NEGR1: variants seen among roughly 807,000 people sequenced by gnomAD.
The protein encoded by NEGR1 is neuronal growth regulator 1.
NEGR1 carries 10 observed loss-of-function variants against 40.9 expected under a neutral mutation model. The ratio of observed to expected loss-of-function variants is 0.24; its 90% confidence interval spans 0.15 to 0.42. The LOEUF (loss-of-function observed/expected upper bound fraction) is 0.42. NEGR1 is among the 10% of genes least tolerant of loss of function. The pLI, the probability that NEGR1 is intolerant of heterozygous loss-of-function variation, is 1.00. For synonymous variants in NEGR1, 185 were observed against 166.8 expected, an observed-to-expected ratio of 1.11 and a Z score of -0.84; for missense variants, 352 against 438.9, an observed-to-expected ratio of 0.80 and a Z score of 1.77.
intron 1 of NEGR1, among the ~76,000 whole-genome samples, chr1:72,277,778 T>G (rs1656109950): frequency 2.0e-5 from 3 of 152,148 alleles, no homozygotes; most frequent in African/African-American, 7.2e-5. Context: ...ATGTCCTAAA[T>G]TGAAAATATC....
At chr1:72,147,839 T>G (rs1650967720) in intron 1 of NEGR1, among the ~76,000 whole-genome samples, 1 of 152,048 alleles carries the variant, frequency 6.6e-6, no homozygotes, top group South Asian at 2.1e-4. Flanking sequence ...CAGTCAAATT[T>G]TAAAGCTCTA....
intron 6 of NEGR1, among the ~76,000 whole-genome samples, chr1:71,443,192 T>C (rs1421274424): frequency 2.0e-5 from 3 of 152,244 alleles, no homozygotes; most frequent in African/African-American, 7.2e-5. Context: ...TTTGTAAATT[T>C]TTTTATTGCT....
chr1:71,854,165 A>G (rs540225198), intron 2 of NEGR1, among the ~76,000 whole-genome samples: 14 of 152,172 alleles, frequency 9.2e-5, no homozygotes, highest in African/African-American at 3.1e-4. Context: ...TTCTCTTCGA[A>G]ACTTTCCTTA....
intron 2 of NEGR1, among the ~76,000 whole-genome samples, chr1:71,810,799 C>T (rs971409729): frequency 6.6e-6 from 1 of 152,064 alleles, no homozygotes; most frequent in African/African-American, 2.4e-5. Flanking sequence ...TCCTCTTTGC[C>T]TTCCACCATG....
At chr1:71,780,726 T>C (rs1656686466) in intron 2 of NEGR1, among the ~76,000 whole-genome samples, 1 of 152,376 alleles carries the variant, frequency 6.6e-6, no homozygotes, top group East Asian at 1.9e-4. Context: ...CTTCAACTTT[T>C]ATTTAGTTGG....
intron 6 of NEGR1, among the ~76,000 whole-genome samples, chr1:71,572,636 T>C (rs1483265312): frequency 6.6e-6 from 1 of 152,188 alleles, no homozygotes; most frequent in Non-Finnish European, 1.5e-5. Flanking sequence ...AATAGCAGAC[T>C]TGTGGGTATA....
At chr1:71,958,888 G>C (rs1194438367) in intron 1 of NEGR1, among the ~76,000 whole-genome samples, 1 of 151,586 alleles carries the variant, frequency 6.6e-6, no homozygotes, top group East Asian at 1.9e-4. Flanking sequence ...CTGGGAGGGG[G>C]AGGTTGCAGT....
chr1:71,429,792 A>T (rs1350776775), intron 6 of NEGR1, among the ~76,000 whole-genome samples: 1 of 152,218 alleles, frequency 6.6e-6, no homozygotes, highest in Non-Finnish European at 1.5e-5. Flanking sequence ...GTTTGCTTTC[A>T]GTTCAAAGTG....
At chr1:71,871,231 G>T (rs1402136759) in intron 2 of NEGR1, among the ~76,000 whole-genome samples, 3 of 152,138 alleles carry the variant, frequency 2.0e-5, no homozygotes, top group Non-Finnish European at 4.4e-5. Flanking sequence ...GACATATTAG[G>T]CTGAGATGTA....
intron 4 of NEGR1, among the ~76,000 whole-genome samples, chr1:71,669,638 A>G (rs1244402548): frequency 1.3e-5 from 2 of 151,554 alleles, no homozygotes; most frequent in Non-Finnish European, 2.9e-5. Context: ...CATTGCCACC[A>G]TATATTTTAA....
At chr1:72,232,784 T>C (rs2100500771) in intron 1 of NEGR1, among the ~76,000 whole-genome samples, 1 of 152,266 alleles carries the variant, frequency 6.6e-6, no homozygotes, top group East Asian at 1.9e-4. Flanking sequence ...TCATTAGCCA[T>C]CCTTGTATTT....
chr1:71,793,872 G>A (rs1402734526), intron 2 of NEGR1, among the ~76,000 whole-genome samples: 2 of 151,874 alleles, frequency 1.3e-5, no homozygotes, highest in African/African-American at 2.4e-5. Flanking sequence ...ACAAAAAGTT[G>A]CAATCTAGGG....
At chr1:72,090,950 C>T (rs1246202830) in intron 1 of NEGR1, among the ~76,000 whole-genome samples, 5 of 152,172 alleles carry the variant, frequency 3.3e-5, no homozygotes, top group Non-Finnish European at 7.3e-5. Context: ...TTTGGGGGTA[C>T]TTAATAGCTT....
intron 1 of NEGR1, among the ~76,000 whole-genome samples, chr1:71,953,828 CT>C (rs35282053): frequency 0.037 from 5,550 of 151,730 alleles, 338 homozygotes; most frequent in African/African-American, 0.13. Flanking sequence ...AAGTGATATA[CT>C]TTTTTTTAGA....
chr1:71,956,776 G>A (rs1429559080), intron 1 of NEGR1, among the ~76,000 whole-genome samples: 1 of 152,050 alleles, frequency 6.6e-6, no homozygotes, highest in African/African-American at 2.4e-5. Context: ...ACACAGCCAG[G>A]ATAAAGAGTT....
intron 1 of NEGR1, among the ~76,000 whole-genome samples, chr1:72,129,374 T>C (rs17092386): frequency 0.017 from 2,656 of 152,254 alleles, 75 homozygotes; most frequent in African/African-American, 0.062. Flanking sequence ...TGGCAATATA[T>C]AACCTAGAGC....
chr1:71,982,796 T>C (rs922087248), intron 1 of NEGR1, among the ~76,000 whole-genome samples: 13 of 152,074 alleles, frequency 8.5e-5, no homozygotes, highest in African/African-American at 2.9e-4. Context: ...TAGGAAGATA[T>C]CAACAAGTAC....
At chr1:72,101,019 C>T (rs1459329331) in intron 1 of NEGR1, 2 of 152,182 alleles carry the variant, frequency 1.3e-5, no homozygotes, top group Non-Finnish European at 2.9e-5. Flanking sequence ...CACATGACCT[C>T]ATCTAACCCT....
At chr1:72,266,779 GA>G (rs1191381727) in intron 1 of NEGR1, among the ~76,000 whole-genome samples, 1 of 141,414 alleles carries the variant, frequency 7.1e-6, no homozygotes, top group Non-Finnish European at 1.6e-5. Context: ...TTGGAAATGA[GA>G]AAAAAACACC....
Sources: allele counts gnomAD v4.1 joint callset (sites outside exome capture counted in the v4.1 genomes callset), GRCh38; gene constraint gnomAD v4.1.1; transcripts MANE v1.5; gene names NCBI Gene and HGNC (gene_info 2026-07-23, HGNC 2026-07-21).